PCDHGA1: variants seen among roughly 807,000 people sequenced by gnomAD.
PCDHGA1 encodes protocadherin gamma subfamily A, 1.
Under a neutral mutation model 58.0 loss-of-function variants are expected in PCDHGA1, and 32 were observed. The ratio of observed to expected loss-of-function variants is 0.55; its 90% CI spans 0.42 to 0.74. The LOEUF (loss-of-function observed/expected upper bound fraction) is 0.74. Ranked by LOEUF, PCDHGA1 falls within the 30% of genes least tolerant of loss-of-function variation. The pLI is 0.00. For synonymous variants in PCDHGA1, 498 were observed against 501.1 expected, an observed-to-expected ratio of 0.99 and a Z score of 0.08; for missense variants, 1,205 against 1,182.3, an observed-to-expected ratio of 1.02 and a Z score of -0.28.
rs1756942476 is a variant in PCDHGA1, at chr5:141,340,415, A to G, written c.2421+7310A>G. 1.9e-6 allele frequency: 3 copies of G among 1,614,026 alleles called. No individual in the cohort carries two copies. The highest frequency in any genetic ancestry group is 2.5e-6 in the Non-Finnish European group (3 of 1,180,030). On this transcript the variant is annotated intron_variant, in intron 1 of 3. Transcript: ENST00000517417. ...AGTGACGGCCCATGACCCCGACAGC[A>G]ACGACAATGCTCATGTAACTTACTC...
intron 1 of PCDHGA1, among the ~76,000 whole-genome samples, chr5:141,369,619 C>T (rs1197396001): frequency 6.6e-6 from 1 of 152,170 alleles, no homozygotes; most frequent in African/African-American, 2.4e-5. Context: ...CAATCATTTC[C>T]TCATTACCTT....
chr5:141,384,094 G>C (rs1223052119), intron 1 of PCDHGA1: 4 of 1,596,266 alleles, frequency 2.5e-6, no homozygotes, highest in Non-Finnish European at 3.4e-6. Flanking sequence ...AAAATCAATA[G>C]ATAATTATTA....
Position 141,370,644 on chromosome 5 carries a change from T to A in PCDHGA1, c.2421+37539T>A, listed in dbSNP as rs758086721. The A allele has an allele frequency of 5.6e-6, 9 of 1,613,802 alleles. No homozygotes were observed. The highest frequency in any genetic ancestry group is 7.6e-6 in the Non-Finnish European group (9 of 1,179,900). On this transcript the variant is annotated intron_variant, in intron 1 of 3. Transcript: ENST00000517417. ...TACCGTGAGCCCCGAAAATGGGAAC[T>A]TACTTGTGAGCGACCGTATAGACCG... is the stretch of plus-strand genomic sequence containing the variant.
intron 1 of PCDHGA1, chr5:141,423,301 C>T (rs1489674947): frequency 1.9e-6 from 3 of 1,614,150 alleles, no homozygotes; most frequent in East Asian, 4.5e-5. Flanking sequence ...AGACCTCTCG[C>T]TGTACTTGGT....
chr5:141,429,488 T>TA (rs748742046), intron 1 of PCDHGA1, among the ~76,000 whole-genome samples: 13 of 152,096 alleles, frequency 8.5e-5, no homozygotes, highest in Non-Finnish European at 1.6e-4. Flanking sequence ...TAGCTGAGAC[T>TA]ACAGTTGCCT....
At chr5:141,469,674 A>G (rs532726373) in intron 1 of PCDHGA1, among the ~76,000 whole-genome samples, 23 of 152,380 alleles carry the variant, frequency 1.5e-4, no homozygotes, top group Non-Finnish European at 2.2e-4. Flanking sequence ...TAATAAAACT[A>G]CATATGCATT....
intron 1 of PCDHGA1, chr5:141,404,337 C>T (rs766940096): frequency 5.0e-6 from 8 of 1,613,902 alleles, no homozygotes; most frequent in Admixed American, 1.7e-5. Flanking sequence ...GTCTACCTCC[C>T]GGAAAACAAC....
chr5:141,430,017 CTTG>C (rs1203011013), intron 1 of PCDHGA1, among the ~76,000 whole-genome samples: 6 of 152,096 alleles, frequency 3.9e-5, no homozygotes, highest in African/African-American at 1.2e-4. Context: ...CACTTGGGTT[CTTG>C]TTAAGTGTGA....
At position 141,356,954 on chromosome 5, in the gene PCDHGA1, G is replaced by C. The variant is rs769188767; in HGVS notation, c.2421+23849G>C. On this transcript the variant is annotated intron_variant, in intron 1 of 3. Coordinates refer to ENST00000517417, the MANE Select transcript of PCDHGA1 (RefSeq NM_018912.3). ...CTGGCACCCCGCTCCGCAGATTCCG[G>C]CTACCTGGTGACCAAAGTGGTGGCA... is the stretch of plus-strand genomic sequence containing the variant. The C allele has an allele frequency of 1.5e-5, 24 of 1,614,098 alleles. No individual in the cohort carries two copies. The Admixed American group carries it at 4.0e-4, about 27-fold the overall frequency.
chr5:141,411,258 A>G (rs1415319110), intron 1 of PCDHGA1: 1 of 152,200 alleles, frequency 6.6e-6, no homozygotes, highest in African/African-American at 2.4e-5. Flanking sequence ...TATCTTATTT[A>G]TATATTTTTA....
At chr5:141,421,306 T>C (rs1356157966) in intron 1 of PCDHGA1, 1 of 1,613,564 alleles carries the variant, frequency 6.2e-7, no homozygotes, top group South Asian at 1.1e-5. Context: ...GCTGCGGGGG[T>C]TCCGGGCCAG....
At chr5:141,406,072 C>CT (rs530474569) in intron 1 of PCDHGA1, among the ~76,000 whole-genome samples, 26,413 of 141,282 alleles carry the variant, frequency 0.19, 2,878 homozygotes, top group African/African-American at 0.31. Context: ...ATTCTTACTC[C>CT]TTTTTTTTTT....
chr5:141,455,133 C>G (rs1172825339), intron 1 of PCDHGA1, among the ~76,000 whole-genome samples: 2 of 151,392 alleles, frequency 1.3e-5, no homozygotes, highest in African/African-American at 4.9e-5. Context: ...TTAAATTACA[C>G]TGTGTTAAAT....
intron 1 of PCDHGA1, among the ~76,000 whole-genome samples, chr5:141,458,336 GA>G (rs762646440): frequency 1.3e-5 from 2 of 152,118 alleles, no homozygotes; most frequent in Non-Finnish European, 2.9e-5. Context: ...TGGTTTTAAG[GA>G]GTGGAGAGTT....
chr5:141,425,794 G>A (rs915736198), intron 1 of PCDHGA1, among the ~76,000 whole-genome samples: 23 of 152,074 alleles, frequency 1.5e-4, no homozygotes, highest in Non-Finnish European at 2.2e-4. Context: ...CTTCCAATAT[G>A]TGCATTGCTT....
chr5:141,395,542 T>TTGTTTG lies in PCDHGA1; in HGVS notation c.2421+62440_2421+62441insTTGTGT, dbSNP rs1267535064. On this transcript the variant is annotated intron_variant, in intron 1 of 3. Coordinates refer to ENST00000517417, the MANE Select transcript of PCDHGA1 (RefSeq NM_018912.3). ...TCCATACTGGTAATTTTGCTATTGTTTGTGTGTGTGTGTGTGTGTGTGTGT... is the reference window on the plus strand; with the variant it reads ...TCCATACTGGTAATTTTGCTATTGTTTGTTTGTGTGTGTGTGTGTGTGTGTGTGTGT... 2.4e-3 allele frequency: 418 copies of TTGTTTG among 172,622 alleles called. 4 individuals carry two copies. The highest frequency in any genetic ancestry group is 0.019 in the African/African-American group (326 of 17,544). The allele number at this position is 172,622 out of a possible 1,614,324, so 10.7% of individuals were successfully genotyped here.
At chr5:141,357,323 T>C (rs766165859) in intron 1 of PCDHGA1, 2 of 1,614,108 alleles carry the variant, frequency 1.2e-6, no homozygotes, top group Admixed American at 3.3e-5. Flanking sequence ...CTGGCTTTTG[T>C]CACGGTGCTG....
intron 1 of PCDHGA1, chr5:141,370,436 G>T: frequency 6.2e-7 from 1 of 1,604,136 alleles, no homozygotes; most frequent in Non-Finnish European, 8.5e-7. Context: ...CAGGGCAGAG[G>T]CGAATGCTAT....
At chr5:141,469,929 G>C (rs1208858245) in intron 1 of PCDHGA1, among the ~76,000 whole-genome samples, 1 of 152,168 alleles carries the variant, frequency 6.6e-6, no homozygotes, top group Non-Finnish European at 1.5e-5. Context: ...TCAGGAGTTT[G>C]AGACCAGCCT....
Sources: gnomAD v4.1 joint callset for allele counts (sites outside exome capture counted in the v4.1 genomes callset) on GRCh38, gnomAD v4.1.1 for gene constraint, MANE v1.5 for transcripts, NCBI Gene and HGNC (gene_info 2026-07-23, HGNC 2026-07-21) for gene names.